Variants in ARHGAP44 observed in about 807,000 individuals in gnomAD.
ARHGAP44 encodes rho GTPase-activating protein 44.
A neutral mutation model predicts 106.8 loss-of-function variants in ARHGAP44; 43 were observed. That is an observed-to-expected ratio of 0.40 (90% confidence interval 0.32 to 0.52). The LOEUF (loss-of-function observed/expected upper bound fraction) is 0.52. Among genes scored for constraint, ARHGAP44 ranks in the 20% least tolerant of loss-of-function variants. The probability of loss-of-function intolerance (pLI) is 0.48; values close to 1 mark genes in which losing one functional copy is unlikely to be tolerated. For synonymous variants in ARHGAP44, 439 were observed against 410.3 expected (o/e 1.07, Z -0.85); for missense variants, 866 against 1,050.5 (o/e 0.82, Z 2.43).
At chr17:12,812,004 A>G (rs2034454312) in intron 1 of ARHGAP44, among the ~76,000 whole-genome samples, 1 of 152,166 alleles carries the variant, frequency 6.6e-6, no homozygotes, top group Non-Finnish European at 1.5e-5. Flanking sequence ...AGGACACCAT[A>G]ACTTCTGGGG....
chr17:12,819,507 G>A (rs2034699357), intron 1 of ARHGAP44, among the ~76,000 whole-genome samples: 1 of 151,260 alleles, frequency 6.6e-6, no homozygotes, highest in Admixed American at 6.6e-5. Context: ...AGTTTCCCAA[G>A]GTATTTATAT....
intron 1 of ARHGAP44, among the ~76,000 whole-genome samples, chr17:12,879,057 T>A (rs151158356): frequency 0.017 from 2,520 of 152,254 alleles, 80 homozygotes; most frequent in African/African-American, 0.058. Flanking sequence ...TAGTGGTGAT[T>A]TCTGAGATTT....
intron 20 of ARHGAP44, chr17:12,988,799 C>A (rs1182188512): frequency 6.6e-6 from 1 of 151,974 alleles, no homozygotes; most frequent in Non-Finnish European, 1.5e-5. Context: ...AGCAGGCAGG[C>A]CGGGCGTGGT....
intron 1 of ARHGAP44, among the ~76,000 whole-genome samples, chr17:12,844,417 G>T (rs776004019): frequency 6.6e-6 from 1 of 152,144 alleles, no homozygotes; most frequent in Non-Finnish European, 1.5e-5. Context: ...ACCTGCTACC[G>T]CAATAACAAC....
chr17:12,916,108 T>A, intron 5 of ARHGAP44, 97 bp downstream of exon 5: 1 of 947,612 alleles, frequency 1.1e-6, no homozygotes, highest in Non-Finnish European at 1.6e-6. Context: ...TTCTTTCCCT[T>A]AACCTTCTCC....
intron 4 of ARHGAP44, among the ~76,000 whole-genome samples, chr17:12,911,984 C>A (rs2037750969): frequency 6.6e-6 from 1 of 152,226 alleles, no homozygotes; most frequent in Non-Finnish European, 1.5e-5. Context: ...CGTCTTTCTA[C>A]AGATGAATTC....
intron 13 of ARHGAP44, among the ~76,000 whole-genome samples, chr17:12,953,941 C>T (rs1211189946): frequency 6.6e-6 from 1 of 152,062 alleles, no homozygotes; most frequent in African/African-American, 2.4e-5. Context: ...GGCTGGAGTC[C>T]AGTGGTGCAA....
At chr17:12,845,469 TTGCA>T (rs2035539232) in intron 1 of ARHGAP44, among the ~76,000 whole-genome samples, 1 of 147,844 alleles carries the variant, frequency 6.8e-6, no homozygotes, top group Non-Finnish European at 1.5e-5. Flanking sequence ...GATCGCGCCA[TTGCA>T]CTCCAGCCTG....
chr17:12,944,532 C>A (rs1370861662), intron 10 of ARHGAP44, among the ~76,000 whole-genome samples: 1 of 151,634 alleles, frequency 6.6e-6, no homozygotes, highest in Non-Finnish European at 1.5e-5. Context: ...TGGCACAAGG[C>A]TGGAGTGCAG....
At chr17:12,923,092 C>T (rs1381811594) in intron 6 of ARHGAP44, among the ~76,000 whole-genome samples, 1 of 152,136 alleles carries the variant, frequency 6.6e-6, no homozygotes, top group African/African-American at 2.4e-5. Context: ...CTAAAAAAGT[C>T]TTGTTTGCAT....
chr17:12,886,497 A>AT (rs2036885771), intron 1 of ARHGAP44, among the ~76,000 whole-genome samples: 1 of 152,134 alleles, frequency 6.6e-6, no homozygotes. Context: ...TTTCATAAGC[A>AT]TTTTTTAGCT....
intron 7 of ARHGAP44, among the ~76,000 whole-genome samples, chr17:12,934,907 T>C (rs966400359): frequency 6.6e-6 from 1 of 152,212 alleles, no homozygotes. Context: ...CCAGATCATT[T>C]ACCTAACATG....
At chr17:12,823,890 C>G (rs2034844532) in intron 1 of ARHGAP44, among the ~76,000 whole-genome samples, 1 of 152,142 alleles carries the variant, frequency 6.6e-6, no homozygotes, top group African/African-American at 2.4e-5. Context: ...TCTGCCCAAC[C>G]TCAGTAAAGT....
At chr17:12,887,838 T>G (rs2036925589) in intron 1 of ARHGAP44, among the ~76,000 whole-genome samples, 1 of 151,978 alleles carries the variant, frequency 6.6e-6, no homozygotes, top group Admixed American at 6.6e-5. Flanking sequence ...ATGATCTATT[T>G]CATATTATGT....
intron 20 of ARHGAP44, chr17:12,988,956 G>C (rs1263820798): frequency 6.7e-6 from 1 of 148,810 alleles, no homozygotes; most frequent in Non-Finnish European, 1.5e-5. Flanking sequence ...AATTAGCCGG[G>C]CATGGTGGTG....
At chr17:12,911,680 A>G (rs2037742570) in intron 4 of ARHGAP44, among the ~76,000 whole-genome samples, 1 of 152,142 alleles carries the variant, frequency 6.6e-6, no homozygotes, top group African/African-American at 2.4e-5. Flanking sequence ...CTCCCGCCTG[A>G]GCAGAATTCT....
chr17:12,802,969 A>ATTTTTTT (rs1162376884), intron 1 of ARHGAP44, among the ~76,000 whole-genome samples: 1 of 40,848 alleles, frequency 2.4e-5, no homozygotes, highest in African/African-American at 8.2e-5. Flanking sequence ...ATATATATAT[A>ATTTTTTT]TTTTTTTTTT....
intron 3 of ARHGAP44, among the ~76,000 whole-genome samples, chr17:12,906,697 G>A (rs2037559889): frequency 6.6e-6 from 1 of 152,174 alleles, no homozygotes; most frequent in Admixed American, 6.5e-5. Flanking sequence ...CACTTTGGGA[G>A]GCCAAAGCAG....
intron 19 of ARHGAP44, among the ~76,000 whole-genome samples, chr17:12,983,989 G>A (rs901698908): frequency 1.3e-5 from 2 of 152,188 alleles, no homozygotes; most frequent in African/African-American, 4.8e-5. Flanking sequence ...TTCTGTGGCC[G>A]GAGGATTTGC....
Sources: allele counts gnomAD v4.1 joint callset (sites outside exome capture counted in the v4.1 genomes callset), GRCh38; gene constraint gnomAD v4.1.1; transcripts MANE v1.5; gene names NCBI Gene and HGNC (gene_info 2026-07-23, HGNC 2026-07-21).